Variants in HUNK observed in about 807,000 individuals in gnomAD.
The protein encoded by HUNK is hormonally up-regulated Neu-associated kinase.
In HUNK, 21 loss-of-function variants were observed where a neutral mutation model predicts 61.0. That is an observed-to-expected ratio of 0.34 (90% CI 0.24 to 0.50). The LOEUF (loss-of-function observed/expected upper bound fraction) is 0.50. Among genes scored for constraint, HUNK ranks in the 20% least tolerant of loss-of-function variants. HUNK has a pLI of 0.98. For synonymous variants in HUNK, 371 were observed against 386.1 expected (o/e 0.96, Z 0.46); for missense variants, 772 against 945.7 (o/e 0.82, Z 2.41).
intron 3 of HUNK, among the ~76,000 whole-genome samples, chr21:31,942,433 C>G (rs1568930707): frequency 6.6e-6 from 1 of 152,124 alleles, no homozygotes; most frequent in Non-Finnish European, 1.5e-5. Flanking sequence ...ATTGGTTGGA[C>G]GTTTGCTCAG....
chr21:31,929,707 C>T (rs1233030972), intron 2 of HUNK, among the ~76,000 whole-genome samples: 1 of 152,228 alleles, frequency 6.6e-6, no homozygotes, highest in Non-Finnish European at 1.5e-5. Context: ...GAGAAAGAGA[C>T]ACATGATCAA....
intron 1 of HUNK, among the ~76,000 whole-genome samples, chr21:31,890,648 C>T (rs2052381026): frequency 6.6e-6 from 1 of 152,136 alleles, no homozygotes; most frequent in South Asian, 2.1e-4. Context: ...ACAAAATTTT[C>T]CCTGGATACA....
intron 1 of HUNK, among the ~76,000 whole-genome samples, chr21:31,877,868 C>T (rs891628915): frequency 3.3e-5 from 5 of 152,108 alleles, no homozygotes; most frequent in African/African-American, 1.2e-4. Flanking sequence ...CCCGCCCTGG[C>T]CCCCAACCAG....
chr21:31,903,658 T>C (rs1345921358), intron 1 of HUNK, among the ~76,000 whole-genome samples: 2 of 152,240 alleles, frequency 1.3e-5, no homozygotes, highest in Non-Finnish European at 2.9e-5. Context: ...TGTGTGACTC[T>C]AGGCAAGTCC....
At chr21:31,882,904 C>T (rs897603113) in intron 1 of HUNK, among the ~76,000 whole-genome samples, 2 of 152,130 alleles carry the variant, frequency 1.3e-5, no homozygotes, top group African/African-American at 4.8e-5. Flanking sequence ...TTCCCCATGA[C>T]TACTACAGAA....
intron 1 of HUNK, among the ~76,000 whole-genome samples, chr21:31,913,256 A>G (rs560515407): frequency 5.3e-4 from 81 of 152,142 alleles, no homozygotes; most frequent in African/African-American, 1.9e-3. Flanking sequence ...ACCTGAGGCC[A>G]GTGGCGGGTG....
intron 8 of HUNK, among the ~76,000 whole-genome samples, chr21:31,986,390 C>A (rs1443948474): frequency 1.3e-5 from 2 of 152,152 alleles, no homozygotes; most frequent in African/African-American, 4.8e-5. Context: ...CACACCTGGT[C>A]CCAGCCACAT....
Position 31,997,331 on chromosome 21 carries a change from A to G in HUNK, c.1487-1195A>G, listed in dbSNP as rs528403645. Among the ~76,000 whole-genome samples the G allele has an allele frequency of 3.3e-5, 5 of 152,330 alleles. No homozygotes were observed. The East Asian group carries it at 7.7e-4, about 24-fold the overall frequency. ...GGATCTGGCAGGTTGCCTTAACTGT[A>G]TGGATGGATGATATTCTTCCCCCGT... On this transcript the variant is annotated intron_variant, in intron 10 of 10. Transcript: ENST00000270112.
Position 31,994,303 on chromosome 21 carries a change from C to T in HUNK, c.1306-1465C>T, listed in dbSNP as rs115310174. The stretch of plus-strand genomic sequence containing the variant: ...TAGCCCCTCACAGTGGCACTTGCCA[C>T]GAGGCTCAGCATCCCCACTTCCCAC... On this transcript the variant is annotated intron_variant, in intron 9 of 10. Coordinates refer to ENST00000270112, the MANE Select transcript of HUNK (RefSeq NM_014586.2). Among the ~76,000 whole-genome samples, 583 of 152,280 alleles carry T rather than the reference C, an allele frequency of 3.8e-3. 1 individual carries two copies. Among genetic ancestry groups the T allele is most frequent in the African/African-American group, 0.012 (503 of 41,564 alleles).
At chr21:31,901,960 C>T (rs139177162) in intron 1 of HUNK, among the ~76,000 whole-genome samples, 2 of 152,266 alleles carry the variant, frequency 1.3e-5, no homozygotes, top group African/African-American at 4.8e-5. Flanking sequence ...TTGAGAGTCA[C>T]ATCCATGCCT....
chr21:31,877,529 C>T (rs2123785201), intron 1 of HUNK, among the ~76,000 whole-genome samples: 1 of 152,214 alleles, frequency 6.6e-6, no homozygotes, highest in Non-Finnish European at 1.5e-5. Flanking sequence ...CGGCTGAGAC[C>T]TAATTGTGTC....
At chr21:31,953,035 G>A in intron 4 of HUNK, among the ~76,000 whole-genome samples, 1 of 151,994 alleles carries the variant, frequency 6.6e-6, no homozygotes, top group East Asian at 1.9e-4. Flanking sequence ...TAATTCTATG[G>A]GATTACAGAG....
chr21:31,950,342 C>A (rs562120161), intron 4 of HUNK, among the ~76,000 whole-genome samples: 9 of 152,110 alleles, frequency 5.9e-5, no homozygotes, highest in East Asian at 1.9e-4. Flanking sequence ...AGAAAAAAAA[C>A]CAGATTCTTT....
rs1475617594 is a variant in HUNK at position 31,999,341 on chromosome 21, C to T, written c.*157C>T. On this transcript the variant is annotated 3_prime_UTR_variant, in exon 11 of 11. Coordinates refer to ENST00000270112, the MANE Select transcript of HUNK (RefSeq NM_014586.2). The stretch of plus-strand genomic sequence containing the variant: ...ACCCAAAGCCTGCACAACCCAACCT[C>T]GCTTAGGGACCCCCAGAGATGCTGG... 8 of 665,184 alleles carry T rather than the reference C, an allele frequency of 1.2e-5. No homozygotes were observed. The highest frequency in any genetic ancestry group is 2.8e-5 in the East Asian group (1 of 35,388). The allele number at this position is 665,184 out of a possible 1,614,324, so 41.2% of individuals were successfully genotyped here.
At chr21:31,874,551 C>T (rs1252138269) in intron 1 of HUNK, among the ~76,000 whole-genome samples, 1 of 152,078 alleles carries the variant, frequency 6.6e-6, no homozygotes, top group African/African-American at 2.4e-5. Context: ...CATCCCTCAA[C>T]CTGTGCTCCT....
At position 32,000,840 on chromosome 21, in the gene HUNK, G is replaced by C; in HGVS notation, c.*1656G>C. On this transcript the variant is annotated 3_prime_UTR_variant, in exon 11 of 11. Transcript: ENST00000270112. ...CAGAATGGATATTTGGCTGACCTTG[G>C]TGAGACCTGGAGCTGCCTGTTTCTT... is the stretch of plus-strand genomic sequence containing the variant. 2.5e-6 allele frequency: 1 copy of C among 398,082 alleles called. No homozygotes were observed. The highest frequency in any genetic ancestry group is 4.4e-6 in the Non-Finnish European group (1 of 226,118). 24.7% of individuals were successfully genotyped at this position (398,082 alleles called of 1,614,324 possible).
chr21:31,960,090 A>G (rs932634194), intron 5 of HUNK, among the ~76,000 whole-genome samples: 2 of 152,252 alleles, frequency 1.3e-5, no homozygotes, highest in Non-Finnish European at 2.9e-5. Context: ...GCTTTCAGAA[A>G]TGTTGAAAGT....
At chr21:31,932,878 C>G (rs970244189) in intron 2 of HUNK, among the ~76,000 whole-genome samples, 1 of 151,518 alleles carries the variant, frequency 6.6e-6, no homozygotes, top group African/African-American at 2.4e-5. Flanking sequence ...CAGCACTGTC[C>G]TCACCAACCC....
chr21:31,946,075 C>G lies in HUNK; in HGVS notation c.650C>G (p.Ser217Trp). ...AACTGCGCAGGGATCCTGGGTTACT[C>G]GGATCCGTTCAGCACACAGTGTGGC... ...LSNCAGILGY[S>W]DPFSTQCGSP... Residue 217 changes from serine to tryptophan, a missense_variant, in exon 4 of 11, where the codon TCG (serine) becomes TGG (tryptophan). Ser to Trp is a radical substitution (Grantham distance 177, BLOSUM62 -3). Transcript: ENST00000270112. The G allele has an allele frequency of 1.2e-6, 2 of 1,612,090 alleles. No individual in the cohort carries two copies. Among genetic ancestry groups the G allele is most frequent in the Non-Finnish European group, 1.7e-6 (2 of 1,178,346 alleles).
Sources: allele counts gnomAD v4.1 joint callset (sites outside exome capture counted in the v4.1 genomes callset), GRCh38; gene constraint gnomAD v4.1.1; transcripts MANE v1.5; gene names NCBI Gene and HGNC (gene_info 2026-07-23, HGNC 2026-07-21).